The following MYO3B variants were observed in gnomAD, a reference collection of about 807,000 sequenced individuals.
The protein encoded by MYO3B is myosin-IIIb.
MYO3B carries 156 observed loss-of-function variants against 174.6 expected under a neutral mutation model. The ratio of observed to expected loss-of-function variants is 0.89; its 90% CI spans 0.78 to 1.02. The LOEUF is 1.02. Among genes scored for constraint, MYO3B ranks in the 50% least tolerant of loss-of-function variants. MYO3B has a pLI of 0.00. For synonymous variants in MYO3B, 563 were observed against 569.1 expected (o/e 0.99, Z 0.15); for missense variants, 1,632 against 1,639.4 (o/e 1.00, Z 0.08).
At chr2:170,503,881 G>T (rs992857956) in intron 28 of MYO3B, among the ~76,000 whole-genome samples, 1 of 152,170 alleles carries the variant, frequency 6.6e-6, no homozygotes, top group East Asian at 1.9e-4. Context: ...GAATTGGTGC[G>T]CTGGTTTTGT....
chr2:170,589,591 TATAGA>T lies in MYO3B; in HGVS notation c.3733+45607_3733+45611del, dbSNP rs898888621. Among the ~76,000 whole-genome samples, 5 of 152,318 alleles carry T rather than the reference TATAGA, an allele frequency of 3.3e-5. No individual in the cohort carries two copies. In the South Asian group the frequency reaches 6.2e-4, roughly 19 times the overall value. On this transcript the variant is annotated intron_variant, in intron 32 of 34. Coordinates refer to ENST00000408978, the MANE Select transcript of MYO3B (RefSeq NM_138995.5). ...AAAAAATTTTAAATAGAAAAAAGCT[TATAGA>T]ATAAAGATATAAAGAAAATGTTTTT...
chr2:170,184,866 T>A (rs1390328471), intron 1 of MYO3B, among the ~76,000 whole-genome samples: 3 of 152,202 alleles, frequency 2.0e-5, no homozygotes, highest in Non-Finnish European at 4.4e-5. Flanking sequence ...GCTTAGTTTT[T>A]TTGGTTAAAA....
rs1690282689 is a variant in MYO3B at position 170,543,783 on chromosome 2, C to G, written c.3637-109C>G. 4.0e-6 allele frequency: 3 copies of G among 744,510 alleles called. No individual in the cohort carries two copies. The East Asian group carries it at 9.0e-5, about 22-fold the overall frequency. 46.1% of individuals were successfully genotyped at this position (744,510 alleles called of 1,614,324 possible). ...CAAATGATTCCAGTATACTTAGCCT[C>G]TTGCTTTTAGTCAGGTTTAAGTGCC... On this transcript the variant is annotated intron_variant, in intron 31 of 34. Transcript: ENST00000408978.
intron 7 of MYO3B, among the ~76,000 whole-genome samples, chr2:170,270,300 A>G (rs999373728): frequency 6.6e-6 from 1 of 152,208 alleles, no homozygotes; most frequent in East Asian, 1.9e-4. Context: ...CCTCAGAACT[A>G]GTAAGTGTGC....
At chr2:170,256,365 A>C (rs1053466514) in intron 7 of MYO3B, among the ~76,000 whole-genome samples, 3 of 152,198 alleles carry the variant, frequency 2.0e-5, no homozygotes, top group Admixed American at 2.0e-4. Context: ...GTGAAAGAAA[A>C]ATCTTAAAGG....
At chr2:170,611,610 C>T (rs1695131315) in intron 32 of MYO3B, among the ~76,000 whole-genome samples, 1 of 152,034 alleles carries the variant, frequency 6.6e-6, no homozygotes, top group African/African-American at 2.4e-5. Context: ...TGGGAGAGGA[C>T]CAGGCAGGAG....
chr2:170,421,631 C>T (rs1386355189), intron 22 of MYO3B, among the ~76,000 whole-genome samples: 2 of 152,180 alleles, frequency 1.3e-5, no homozygotes, highest in Admixed American at 1.3e-4. Flanking sequence ...GTTGTGAGGG[C>T]CGTGCCCTCT....
intron 8 of MYO3B, among the ~76,000 whole-genome samples, chr2:170,353,661 G>A (rs1014400905): frequency 3.9e-5 from 6 of 152,036 alleles, no homozygotes; most frequent in South Asian, 2.1e-4. Context: ...TAGGGGGGCC[G>A]GGGTATATGG....
chr2:170,508,146 A>G (rs1264327958), intron 28 of MYO3B, among the ~76,000 whole-genome samples: 1 of 152,130 alleles, frequency 6.6e-6, no homozygotes, highest in Non-Finnish European at 1.5e-5. Context: ...ACTCGATATT[A>G]TAACTTCAGA....
intron 7 of MYO3B, among the ~76,000 whole-genome samples, chr2:170,278,556 G>A (rs887523046): frequency 6.6e-6 from 1 of 152,080 alleles, no homozygotes; most frequent in Non-Finnish European, 1.5e-5. Context: ...TAGTGATCAA[G>A]TCAAGGTATT....
chr2:170,510,158 G>C (rs1198263777), intron 28 of MYO3B, among the ~76,000 whole-genome samples: 1 of 152,202 alleles, frequency 6.6e-6, no homozygotes, highest in Non-Finnish European at 1.5e-5. Flanking sequence ...GCTATGGTCA[G>C]TGATGCAAAT....
intron 25 of MYO3B, among the ~76,000 whole-genome samples, chr2:170,479,446 A>G (rs1216560366): frequency 6.8e-6 from 1 of 146,202 alleles, no homozygotes; most frequent in African/African-American, 2.5e-5. Flanking sequence ...TATATAAAAT[A>G]TAGATTTTAT....
At chr2:170,213,375 G>A (rs1170891737) in intron 3 of MYO3B, among the ~76,000 whole-genome samples, 2 of 152,176 alleles carry the variant, frequency 1.3e-5, no homozygotes, top group Non-Finnish European at 1.5e-5. Context: ...CAGGGGGTAC[G>A]TGACAGGGGC....
intron 32 of MYO3B, among the ~76,000 whole-genome samples, chr2:170,618,903 T>C (rs184125569): frequency 1.3e-5 from 2 of 152,332 alleles, no homozygotes; most frequent in East Asian, 3.9e-4. Context: ...ATATAGTGTG[T>C]GCGTCAGTAA....
At chr2:170,477,973 A>G (rs185796547) in intron 25 of MYO3B, among the ~76,000 whole-genome samples, 1 of 152,324 alleles carries the variant, frequency 6.6e-6, no homozygotes, top group African/African-American at 2.4e-5. Context: ...GGGTTGGCTT[A>G]TAGTGTCACA....
At chr2:170,501,739 G>A (rs370805019) in intron 27 of MYO3B, 46 bp from the exon 28 acceptor site, 59 of 1,332,004 alleles carry the variant, frequency 4.4e-5, no homozygotes, top group Admixed American at 6.9e-5. Flanking sequence ...TCTCTGGCAC[G>A]TTCTTAAATT....
intron 32 of MYO3B, among the ~76,000 whole-genome samples, chr2:170,631,029 A>C (rs1003596184): frequency 3.9e-5 from 6 of 152,240 alleles, no homozygotes; most frequent in Non-Finnish European, 8.8e-5. Flanking sequence ...CCTTGCCAGC[A>C]ACAGAACAAA....
chr2:170,454,643 C>T (rs1434489776), intron 23 of MYO3B, among the ~76,000 whole-genome samples: 1 of 152,184 alleles, frequency 6.6e-6, no homozygotes, highest in Non-Finnish European at 1.5e-5. Context: ...GAACCACGGG[C>T]AGGTAGCCAC....
chr2:170,610,592 C>T (rs997993586), intron 32 of MYO3B, among the ~76,000 whole-genome samples: 16 of 152,128 alleles, frequency 1.1e-4, no homozygotes, highest in African/African-American at 3.9e-4. Flanking sequence ...TGGTAGCTTT[C>T]TCAAATGAAT....
Sources: allele counts gnomAD v4.1 joint callset (sites outside exome capture counted in the v4.1 genomes callset), GRCh38; gene constraint gnomAD v4.1.1; transcripts MANE v1.5; gene names NCBI Gene and HGNC (gene_info 2026-07-23, HGNC 2026-07-21).